The following PTPRS variants were observed in gnomAD, a reference collection of about 807,000 sequenced individuals.
PTPRS encodes the protein protein tyrosine phosphatase receptor type S.
Under a neutral mutation model 215.3 loss-of-function variants are expected in PTPRS, and 63 were observed. That is an observed-to-expected ratio of 0.29 (90% confidence interval 0.24 to 0.36). The LOEUF (loss-of-function observed/expected upper bound fraction) is 0.36. PTPRS is among the 10% of genes least tolerant of loss of function. The probability of loss-of-function intolerance (pLI) is 1.00; values close to 1 mark genes in which losing one functional copy is unlikely to be tolerated. For missense variants in PTPRS, 2,258 were observed against 2,825.8 expected (o/e 0.80, Z 4.56); for synonymous variants, 1,404 against 1,191.4 (o/e 1.18, Z -3.68).
At chr19:5,309,238 T>C (rs2049611913) in intron 1 of PTPRS, among the ~76,000 whole-genome samples, 1 of 152,148 alleles carries the variant, frequency 6.6e-6, no homozygotes, top group African/African-American at 2.4e-5. Context: ...CTGTGTGGCC[T>C]TGGGCAAGTG....
intron 4 of PTPRS, chr19:5,273,222 T>G: frequency 1.7e-6 from 1 of 601,538 alleles, no homozygotes; most frequent in Non-Finnish European, 2.9e-6. Context: ...ATTAGGATGA[T>G]TCTAGTCTCT....
Position 5,206,490 on chromosome 19 carries a change from TC to T in PTPRS, c.*283del. ...GGGGAGCACTCCTATTTGCTCACCA[TC>T]CCCCCACCCCCCACCCCGGAATCTG... On this transcript the variant is annotated 3_prime_UTR_variant, in exon 38 of 38. Transcript: ENST00000262963. 2.6e-6 allele frequency: 1 copy of T among 383,820 alleles called. No individual in the cohort carries two copies. The highest frequency in any genetic ancestry group is 2.5e-5 in the South Asian group (1 of 39,494). 23.8% of individuals were successfully genotyped at this position (383,820 alleles called of 1,614,324 possible).
In PTPRS at chr19:5,286,184, C is replaced by T. The variant is rs2048336120; in HGVS notation, c.-44G>A. 4.4e-5 allele frequency: 70 copies of T among 1,603,380 alleles called. No individual in the cohort carries two copies. The highest frequency in any genetic ancestry group is 5.9e-5 in the Non-Finnish European group (69 of 1,174,930). ...ATCTCCGCCCTGGAGGGGGATGGCCCCCCGGTCCCTCACAGAGAGGCCTCG... is the reference window on the plus strand; with the variant it reads ...ATCTCCGCCCTGGAGGGGGATGGCCTCCCGGTCCCTCACAGAGAGGCCTCG... On this transcript the variant is annotated 5_prime_UTR_variant, in exon 2 of 38. Transcript: ENST00000262963.
intron 14 of PTPRS, among the ~76,000 whole-genome samples, chr19:5,230,135 C>T (rs750076790): frequency 6.6e-6 from 1 of 152,202 alleles, no homozygotes; most frequent in Non-Finnish European, 1.5e-5. Flanking sequence ...AATACCCAAG[C>T]AGGCAGGTGG....
At chr19:5,301,745 C>A (rs1188673040) in intron 1 of PTPRS, among the ~76,000 whole-genome samples, 1 of 151,974 alleles carries the variant, frequency 6.6e-6, no homozygotes, top group Admixed American at 6.6e-5. Context: ...CCCCAATCCT[C>A]CCCTCCTTGC....
intron 10 of PTPRS, 56 bp downstream of exon 10, chr19:5,245,720 T>C: frequency 6.6e-7 from 1 of 1,504,190 alleles, no homozygotes; most frequent in Admixed American, 2.1e-5. Flanking sequence ...GTGCCTGAAG[T>C]CGGGGATCGA....
At chr19:5,228,014 G>A (rs1277256051) in intron 16 of PTPRS, among the ~76,000 whole-genome samples, 2 of 152,010 alleles carry the variant, frequency 1.3e-5, no homozygotes, top group Admixed American at 1.3e-4. Context: ...GGGGTGACGG[G>A]GATGCACAAA....
rs2040459266 is a variant in PTPRS at position 5,207,384 on chromosome 19, C to A, written c.5778+538G>T. Among the ~76,000 whole-genome samples, 3 of 152,236 alleles carry A rather than the reference C, an allele frequency of 2.0e-5. No individual in the cohort carries two copies. The South Asian group carries it at 6.2e-4, about 31-fold the overall frequency. ...ACAGGCATAAGCCACCACACCCAGC[C>A]TCATTTCTATTTTTTTTGTAGAGAT... On this transcript the variant is annotated intron_variant, in intron 37 of 37. Coordinates refer to ENST00000262963, the MANE Select transcript of PTPRS (RefSeq NM_002850.4).
Position 5,295,509 on chromosome 19 carries a change from C to A in PTPRS, c.-94-9275G>T, listed in dbSNP as rs543426059. Among the ~76,000 whole-genome samples the A allele has an allele frequency of 6.7e-6, 1 of 150,106 alleles. No homozygotes were observed. Among genetic ancestry groups the A allele is most frequent in the African/African-American group, 2.4e-5 (1 of 41,258 alleles). On this transcript the variant is annotated intron_variant, in intron 1 of 37. Transcript: ENST00000262963. The surrounding 1 kb of genome is among the most constrained non-coding windows in gnomAD (Gnocchi z 4.6). ...GTGGCCCCATCAGCACAGAGCCCTA[C>A]ATGCGCCTAGTCCCCGGGTCTGCCT...
chr19:5,229,905 G>GC (rs113109821), intron 14 of PTPRS, among the ~76,000 whole-genome samples: 12,556 of 148,308 alleles, frequency 0.085, 601 homozygotes, highest in South Asian at 0.14. Flanking sequence ...GATCCAGGCT[G>GC]CCCCCCCCCG....
In PTPRS at chr19:5,238,947, G is replaced by A. The variant is rs763617364; in HGVS notation, c.1821C>T (p.Pro607=). The stretch of plus-strand genomic sequence containing the variant: ...ACTGCAGCGTGCGCTGCCGCACCAC[G>A]GGGGTGAAGGCGCCCAGGCCCTGCG... ...RSPQGLGAFT[P]VVRQRTLQSK... Residue 607 remains proline, a synonymous_variant, in exon 13 of 38, where the codon CCC becomes CCT. Coordinates refer to ENST00000262963, the MANE Select transcript of PTPRS (RefSeq NM_002850.4). The A allele has an allele frequency of 2.0e-5, 32 of 1,610,616 alleles. No homozygotes were observed. The highest frequency in any genetic ancestry group is 2.4e-5 in the Non-Finnish European group (28 of 1,178,602).
At chr19:5,274,374 G>T in intron 2 of PTPRS, 30 bp from the exon 3 acceptor site, 1 of 1,598,886 alleles carries the variant, frequency 6.3e-7, no homozygotes. Context: ...AAGGGGGGGC[G>T]CTGATGGGTC....
intron 1 of PTPRS, among the ~76,000 whole-genome samples, chr19:5,299,765 G>A (rs1378382511): frequency 6.6e-6 from 1 of 152,078 alleles, no homozygotes; most frequent in African/African-American, 2.4e-5. Context: ...CCAGCTACTC[G>A]GGGCTGAGGC....
intron 1 of PTPRS, among the ~76,000 whole-genome samples, chr19:5,318,318 C>T (rs1260586005): frequency 6.8e-6 from 1 of 148,148 alleles, no homozygotes; most frequent in Admixed American, 6.7e-5. Context: ...CCAGCCTGGG[C>T]AACAAGGTGA....
chr19:5,273,836 C>T (rs544133365), intron 3 of PTPRS, among the ~76,000 whole-genome samples: 3 of 152,270 alleles, frequency 2.0e-5, no homozygotes, highest in Admixed American at 1.3e-4. Context: ...CAAATGTCTG[C>T]AAGCCCATGT....
At chr19:5,279,567 C>T (rs988856849) in intron 2 of PTPRS, among the ~76,000 whole-genome samples, 4 of 152,122 alleles carry the variant, frequency 2.6e-5, no homozygotes, top group African/African-American at 9.6e-5. Flanking sequence ...GACAGGGTCT[C>T]GCTATGTTTC....
chr19:5,264,193 T>G (rs186908200), intron 5 of PTPRS, among the ~76,000 whole-genome samples: 60 of 57,640 alleles, frequency 1.0e-3, no homozygotes, highest in African/African-American at 1.7e-3. Context: ...TTGGAGAGAC[T>G]CTCTCCCTGT....
rs772609297 is a variant in PTPRS at position 5,222,771 on chromosome 19, G to T, written c.3021C>A (p.Asp1007Glu). 3 of 1,599,046 alleles carry T rather than the reference G, an allele frequency of 1.9e-6. No homozygotes were observed. Among genetic ancestry groups the T allele is most frequent in the East Asian group, 4.5e-5 (2 of 44,760 alleles). ...LQGLKPDTAYDLQVRAHTRRG... is the reference protein window; with the variant it reads ...LQGLKPDTAYELQVRAHTRRG... ...GGCGCGTGTGGGCTCGCACTTGGAGGTCATAGGCCGTGTCGGGCTTCAGGC... is the reference window on the plus strand; with the variant it reads ...GGCGCGTGTGGGCTCGCACTTGGAGTTCATAGGCCGTGTCGGGCTTCAGGC... Residue 1007 changes from aspartate (D) to glutamate (E), a missense_variant, in exon 18 of 38, where the codon GAC becomes GAA. Around this residue, in one of 6 missense-constraint regions of PTPRS, gnomAD observed 361 missense variants for 332.6 expected, o/e 1.09. Transcript: ENST00000262963.
chr19:5,329,379 T>C (rs1017730635), intron 1 of PTPRS, among the ~76,000 whole-genome samples: 1 of 152,166 alleles, frequency 6.6e-6, no homozygotes, highest in African/African-American at 2.4e-5. Context: ...CCAGCCACTG[T>C]GGGAAGTGGC....
Sources: gnomAD v4.1 joint callset for allele counts (sites outside exome capture counted in the v4.1 genomes callset) on GRCh38, gnomAD v4.1.1 for gene constraint, gnomAD v4.1.1 regional missense constraint, Gnocchi (gnomAD v3.1) non-coding constraint, MANE v1.5 for transcripts, NCBI Gene and HGNC (gene_info 2026-07-23, HGNC 2026-07-21) for gene names.